Variants in MGAT4C observed in about 807,000 individuals in gnomAD.
MGAT4C encodes MGAT4 family member C, also known as alpha-1,3-mannosyl-glycoprotein 4-beta-N-acetylglucosaminyltransferase C.
In MGAT4C, 19 loss-of-function variants were observed where a neutral mutation model predicts 40.1. The ratio of observed to expected loss-of-function variants is 0.47; its 90% CI spans 0.33 to 0.70. The LOEUF (loss-of-function observed/expected upper bound fraction) is 0.70, where lower values mean the gene tolerates loss of function less well. Among genes scored for constraint, MGAT4C ranks in the 30% least tolerant of loss-of-function variants. The pLI, the probability that MGAT4C is intolerant of heterozygous loss-of-function variation, is 0.02. For synonymous variants in MGAT4C, 181 were observed against 187.1 expected, an observed-to-expected ratio of 0.97 and a Z score of 0.27; for missense variants, 491 against 563.2, an observed-to-expected ratio of 0.87 and a Z score of 1.30.
intron 1 of MGAT4C, among the ~76,000 whole-genome samples, chr12:86,061,365 G>A (rs186260269): frequency 4.3e-4 from 65 of 152,240 alleles, no homozygotes; most frequent in Admixed American, 2.7e-3. Flanking sequence ...CACAACCTGC[G>A]GACCAGGAGA....
In MGAT4C at chr12:86,141,825, C is replaced by T. The variant is rs565011710; in HGVS notation, c.-56-92102G>A. Among the ~76,000 whole-genome samples the T allele has an allele frequency of 5.9e-5, 9 of 152,208 alleles. No homozygotes were observed. The South Asian group carries it at 1.2e-3, about 21-fold the overall frequency. ...ATACAATTCAAGTGCAATTCATACC[C>T]GCTAAGACTATTTCTGGTGGCTTCA... is the stretch of plus-strand genomic sequence containing the variant. On this transcript the variant is annotated intron_variant, in intron 1 of 4. Transcript: ENST00000611864.
At chr12:86,504,061 C>T (rs994983644) in intron 2 of MGAT4C, among the ~76,000 whole-genome samples, 46 of 151,290 alleles carry the variant, frequency 3.0e-4, no homozygotes, top group African/African-American at 1.1e-3. Flanking sequence ...GGCCAACAAA[C>T]CTAAGAAAAA....
Position 86,252,959 on chromosome 12 carries a change from A to G in MGAT4C, c.-57+3280T>C, listed in dbSNP as rs189192439. Among the ~76,000 whole-genome samples the G allele has an allele frequency of 2.0e-5, 3 of 152,076 alleles. No individual in the cohort carries two copies. The East Asian group carries it at 5.8e-4, about 29-fold the overall frequency. ...TATTTCAGTGACCACATTCAGAATC[A>G]AGTATGAGTTATAAAATAATTGATA... On this transcript the variant is annotated intron_variant, in intron 1 of 4. Coordinates refer to ENST00000611864, the MANE Select transcript of MGAT4C (RefSeq NM_001351288.2).
At chr12:85,990,740 C>T (rs1171854022) in intron 2 of MGAT4C, among the ~76,000 whole-genome samples, 1 of 152,034 alleles carries the variant, frequency 6.6e-6, no homozygotes, top group African/African-American at 2.4e-5. Flanking sequence ...AAGTGCTATA[C>T]ATATTACTGT....
intron 3 of MGAT4C, among the ~76,000 whole-genome samples, chr12:86,390,042 A>C (rs550965582): frequency 6.6e-6 from 1 of 152,308 alleles, no homozygotes; most frequent in South Asian, 2.1e-4. Context: ...ACAACATTAC[A>C]TTCAGCCAGT....
At chr12:86,564,040 T>C (rs1372799592) in intron 2 of MGAT4C, among the ~76,000 whole-genome samples, 2 of 152,144 alleles carry the variant, frequency 1.3e-5, no homozygotes, top group African/African-American at 4.8e-5. Context: ...AATAGTATCA[T>C]ATCTGTGGAG....
At chr12:85,982,665 A>G (rs1375268524) in intron 4 of MGAT4C, among the ~76,000 whole-genome samples, 3 of 152,144 alleles carry the variant, frequency 2.0e-5, no homozygotes, top group Non-Finnish European at 4.4e-5. Context: ...CTTGGCTCCA[A>G]ATATATTTTT....
At chr12:86,541,323 A>C (rs1213329105) in intron 2 of MGAT4C, among the ~76,000 whole-genome samples, 1 of 152,206 alleles carries the variant, frequency 6.6e-6, no homozygotes, top group Non-Finnish European at 1.5e-5. Flanking sequence ...AATTTATGAA[A>C]GTCAACCAGA....
chr12:86,303,886 T>TGTCTTC (rs1293619736), intron 4 of MGAT4C, among the ~76,000 whole-genome samples: 4 of 150,588 alleles, frequency 2.7e-5, no homozygotes, highest in Admixed American at 6.6e-5. Context: ...TCCCTCTCTC[T>TGTCTTC]GTCTTCGTCT....
intron 2 of MGAT4C, among the ~76,000 whole-genome samples, chr12:86,544,990 C>G (rs1207165122): frequency 6.6e-6 from 1 of 151,908 alleles, no homozygotes; most frequent in Non-Finnish European, 1.5e-5. Flanking sequence ...CATTTTTAGT[C>G]TTTTATTTTT....
intron 1 of MGAT4C, among the ~76,000 whole-genome samples, chr12:86,245,373 G>C (rs1266263696): frequency 6.6e-6 from 1 of 152,160 alleles, no homozygotes; most frequent in African/African-American, 2.4e-5. Flanking sequence ...TCTTGTCTCT[G>C]AGTTCAGTCT....
chr12:86,212,752 C>T (rs864151), intron 1 of MGAT4C, among the ~76,000 whole-genome samples: 4 of 128,464 alleles, frequency 3.1e-5, no homozygotes, highest in South Asian at 2.8e-4. Context: ...ATTAGCCGGG[C>T]GTAGTGGCGG....
At chr12:85,984,995 G>A (rs538624980) in intron 3 of MGAT4C, among the ~76,000 whole-genome samples, 13 of 152,222 alleles carry the variant, frequency 8.5e-5, no homozygotes, top group East Asian at 3.9e-4. Context: ...GGCCAAGCTC[G>A]TCTCAAACTC....
At chr12:86,566,833 C>G (rs191296006) in intron 2 of MGAT4C, among the ~76,000 whole-genome samples, 1 of 150,536 alleles carries the variant, frequency 6.6e-6, no homozygotes, top group African/African-American at 2.4e-5. Flanking sequence ...ATCCTGCAAG[C>G]AATGTTTCTT....
intron 3 of MGAT4C, among the ~76,000 whole-genome samples, chr12:86,388,969 C>A (rs1246223817): frequency 2.6e-5 from 4 of 152,106 alleles, no homozygotes; most frequent in Admixed American, 6.6e-5. Flanking sequence ...CAGGCCTGAA[C>A]CACCACTCCT....
intron 2 of MGAT4C, among the ~76,000 whole-genome samples, chr12:85,990,867 T>C (rs192088912): frequency 6.6e-6 from 1 of 152,248 alleles, no homozygotes; most frequent in African/African-American, 2.4e-5. Context: ...TCCTGAGGAT[T>C]TGGGTGATAT....
At chr12:86,212,666 A>G (rs1950518181) in intron 1 of MGAT4C, among the ~76,000 whole-genome samples, 2 of 149,950 alleles carry the variant, frequency 1.3e-5, no homozygotes, top group South Asian at 4.2e-4. Context: ...AGGCGGGCGG[A>G]TCACGAGGTC....
At position 86,202,684 on chromosome 12, in the gene MGAT4C, T is replaced by G. The variant is rs556350503; in HGVS notation, c.-57+53555A>C. ...TTACTAGATCTTCATTTAATTATTT[T>G]ATTATTTTGGAAGCTTCACTTTAGA... is the stretch of plus-strand genomic sequence containing the variant. On this transcript the variant is annotated intron_variant, in intron 1 of 4. Coordinates refer to ENST00000611864, the MANE Select transcript of MGAT4C (RefSeq NM_001351288.2). Among the ~76,000 whole-genome samples, 4 of 152,094 alleles carry G rather than the reference T, an allele frequency of 2.6e-5. No individual in the cohort carries two copies. In the South Asian group the frequency reaches 8.3e-4, roughly 31 times the overall value.
intron 4 of MGAT4C, among the ~76,000 whole-genome samples, chr12:86,288,766 T>C (rs1953423970): frequency 6.6e-6 from 1 of 152,154 alleles, no homozygotes; most frequent in South Asian, 2.1e-4. Context: ...GGGGTTGTTT[T>C]TCCCTTGTAA....
Sources: gnomAD v4.1 joint callset for allele counts (sites outside exome capture counted in the v4.1 genomes callset) on GRCh38, gnomAD v4.1.1 for gene constraint, MANE v1.5 for transcripts, NCBI Gene and HGNC (gene_info 2026-07-23, HGNC 2026-07-21) for gene names.